The following MUC17 variants were observed in gnomAD, a reference collection of about 807,000 sequenced individuals.
The protein encoded by MUC17 is mucin 17, cell surface associated, also known as mucin-17.
MUC17 carries 190 observed loss-of-function variants against 170.3 expected under a neutral mutation model. That is an observed-to-expected ratio of 1.12 (90% CI 0.99 to 1.26). The LOEUF (loss-of-function observed/expected upper bound fraction) is 1.26, where lower values mean the gene tolerates loss of function less well. Among genes scored for constraint, MUC17 ranks in the 50% most tolerant of loss-of-function variants. MUC17 has a pLI of 0.00. For missense variants in MUC17, 6,415 were observed against 5,530.0 expected (o/e 1.16, Z -5.08); for synonymous variants, 2,325 against 2,002.5 (o/e 1.16, Z -4.30).
In MUC17 at chr7:101,050,534, C is replaced by T; in HGVS notation, c.12773C>T (p.Thr4258Ile). 1.2e-6 allele frequency: 2 copies of T among 1,614,118 alleles called. No individual in the cohort carries two copies. Among genetic ancestry groups the T allele is most frequent in the Non-Finnish European group, 1.7e-6 (2 of 1,180,004 alleles). ...GACGTCCTCCTAAGAACCAAGTACA[C>T]ACCAGAATACAAGACAGTATTGGAC... The part of the protein sequence containing the change: ...EHDVLLRTKY[T>I]PEYKTVLDNA... The change falls in exon 7 of 13, where the codon ACA becomes ATA. Residue 4258 changes from threonine to isoleucine, a missense_variant. Transcript: ENST00000306151.
rs146204718 is a variant in MUC17 at position 101,050,711 on chromosome 7, G to A, written c.12874+76G>A. 4,421 of 1,534,386 alleles carry A rather than the reference G, an allele frequency of 2.9e-3. 10 individuals are homozygous for A. The highest frequency in any genetic ancestry group is 3.7e-3 in the Non-Finnish European group (4,187 of 1,143,482). Reference sequence around the variant, plus strand: ...CATGACTTTCTTAATAGACAGGAGGGCGGGAGTGAGGATGGTTAATGGGTG... The same window carrying A: ...CATGACTTTCTTAATAGACAGGAGGACGGGAGTGAGGATGGTTAATGGGTG... On this transcript the variant is annotated intron_variant, in intron 7 of 12. Transcript: ENST00000306151.
rs535805280 is a variant in MUC17, at chr7:101,039,542, C to T, written c.8126C>T (p.Ala2709Val). 1 of 1,612,386 alleles carries T rather than the reference C, an allele frequency of 6.2e-7. No homozygotes were observed. The highest frequency in any genetic ancestry group is 1.1e-5 in the South Asian group (1 of 90,938). Residue 2709 changes from alanine to valine, a missense_variant, in exon 3 of 13, where the codon GCT (alanine) becomes GTT (valine). Physicochemically the swap from Ala to Val is moderately conservative, Grantham distance 64. Transcript: ENST00000306151. The part of the protein sequence containing the change: ...VSTTLLANSE[A>V]STLSTTPVDT... ...ACCACGCTGTTGGCCAATTCTGAGG[C>T]TAGCACCCTTTCAACAACTCCTGTT...
Position 101,058,069 on chromosome 7 carries a change from G to A in MUC17, c.*25G>A, listed in dbSNP as rs1327225068. On this transcript the variant is annotated 3_prime_UTR_variant, in exon 13 of 13. Transcript: ENST00000306151. Reference sequence around the variant, plus strand: ...AGGCATGGAGCTGAGAAGTCTGGGAGTGAGGAGATCCCAGTCCGGCTAAGC... The same window carrying A: ...AGGCATGGAGCTGAGAAGTCTGGGAATGAGGAGATCCCAGTCCGGCTAAGC... The A allele has an allele frequency of 6.2e-7, 1 of 1,609,238 alleles. No individual in the cohort carries two copies. Among genetic ancestry groups the A allele is most frequent in the South Asian group, 1.1e-5 (1 of 90,902 alleles).
At position 101,034,768 on chromosome 7, in the gene MUC17, G is replaced by A. The variant is rs1418522035; in HGVS notation, c.3352G>A (p.Ala1118Thr). The A allele has an allele frequency of 1.2e-6, 2 of 1,603,770 alleles. No homozygotes were observed. Among genetic ancestry groups the A allele is most frequent in the East Asian group, 4.5e-5 (2 of 44,120 alleles). ...CACCAGGCTGGTGGTCAGTTCTGAG[G>A]CTAGCACCCTTTCCACAACTCCTGT... ...VSTRLVVSSE[A>T]STLSTTPVDT... The change falls in exon 3 of 13, where the codon GCT becomes ACT. Residue 1118 changes from alanine (A) to threonine (T), a missense_variant. Ala to Thr is a moderately conservative substitution (Grantham distance 58, BLOSUM62 0). Transcript: ENST00000306151.
At position 101,034,003 on chromosome 7, in the gene MUC17, G is replaced by A. The variant is rs151141256; in HGVS notation, c.2587G>A (p.Gly863Arg). ...TSMPTSTYSE[G>R]RTPLTSMPVS... Reference sequence around the variant, plus strand: ...CATGCCAACCTCAACTTATAGTGAAGGAAGAACTCCTTTAACAAGTATGCC... The same window carrying A: ...CATGCCAACCTCAACTTATAGTGAAAGAAGAACTCCTTTAACAAGTATGCC... Residue 863 changes from glycine to arginine, a missense_variant, in exon 3 of 13, where the codon GGA (glycine) becomes AGA (arginine). Gly to Arg is a moderately radical substitution (Grantham distance 125). Transcript: ENST00000306151. The A allele has an allele frequency of 1.3e-5, 21 of 1,599,776 alleles. No homozygotes were observed. In the African/African-American group the frequency reaches 1.9e-4, roughly 14 times the overall value.
intron 7 of MUC17, 120 bp downstream of exon 7, chr7:101,050,755 G>A (rs557009931): frequency 7.2e-7 from 1 of 1,384,466 alleles, no homozygotes; most frequent in Non-Finnish European, 9.6e-7. Context: ...AATCACTGTG[G>A]GGTCCTAGAG....
In MUC17 at chr7:101,038,940, A is replaced by T; in HGVS notation, c.7524A>T (p.Ser2508=). The T allele has an allele frequency of 6.2e-7, 1 of 1,613,916 alleles. No individual in the cohort carries two copies. Among genetic ancestry groups the T allele is most frequent in the Non-Finnish European group, 8.5e-7 (1 of 1,179,984 alleles). Residue 2508 remains serine (S), a synonymous_variant, in exon 3 of 13, where the codon TCA becomes TCT. Transcript: ENST00000306151. ...CTGAAGATATCGTCGTGCCAATCTC[A>T]ACTGCTAGTGAAGGAAGTACTCTAT... ...TTAEDIVVPI[S]TASEGSTLLT...
At chr7:101,048,388 C>T (rs1024455239) in intron 4 of MUC17, 2 of 240,300 alleles carry the variant, frequency 8.3e-6, no homozygotes, top group East Asian at 7.9e-5. Flanking sequence ...GCCAGGAGCT[C>T]GAGACCAGCC....
chr7:101,025,237 C>A (rs989418303), intron 1 of MUC17, among the ~76,000 whole-genome samples: 2 of 151,748 alleles, frequency 1.3e-5, no homozygotes, highest in Admixed American at 6.6e-5. Flanking sequence ...GTGGTGTGCG[C>A]CTGTGGTCCC....
At chr7:101,030,302 A>G (rs1461323936) in intron 1 of MUC17, among the ~76,000 whole-genome samples, 1 of 148,600 alleles carries the variant, frequency 6.7e-6, no homozygotes, top group Non-Finnish European at 1.5e-5. Flanking sequence ...GGCTCACTGC[A>G]ACCTCTGACT....
rs998091798 is a variant in MUC17 at position 101,042,563 on chromosome 7, C to A, written c.11147C>A (p.Thr3716Lys). 5 of 1,614,162 alleles carry A rather than the reference C, an allele frequency of 3.1e-6. No homozygotes were observed. Among genetic ancestry groups the A allele is most frequent in the Non-Finnish European group, 4.2e-6 (5 of 1,180,030 alleles). The change falls in exon 3 of 13, where the codon ACA (threonine) becomes AAA (lysine). Residue 3716 changes from threonine to lysine, a missense_variant. Physicochemically the swap from Thr to Lys is moderately conservative, Grantham distance 78 (BLOSUM62 -1). Coordinates refer to ENST00000306151, the MANE Select transcript of MUC17 (RefSeq NM_001040105.2). The part of the protein sequence containing the change: ...VTSSEGSTLS[T>K]PSVVTSTPVT... Reference sequence around the variant, plus strand: ...AGCTCTGAGGGTAGCACCCTTTCAACACCTTCTGTTGTCACCAGCACACCT... The same window carrying A: ...AGCTCTGAGGGTAGCACCCTTTCAAAACCTTCTGTTGTCACCAGCACACCT...
intron 1 of MUC17, among the ~76,000 whole-genome samples, chr7:101,024,003 T>C (rs1001425687): frequency 1.3e-5 from 2 of 152,260 alleles, no homozygotes; most frequent in Admixed American, 1.3e-4. Context: ...GAGCATTTTT[T>C]CATATGCTTG....
In MUC17 at chr7:101,040,281, C is replaced by T; in HGVS notation, c.8865C>T (p.Thr2955=). The change falls in exon 3 of 13, where the codon ACC becomes ACT. Residue 2955 remains threonine, a synonymous_variant. Transcript: ENST00000306151. The part of the protein sequence containing the change: ...ASTLSTTPVD[T]RTPVTTSAEA... The stretch of plus-strand genomic sequence containing the variant: ...CCCTTTCAACAACTCCTGTTGACAC[C>T]AGGACACCTGTCACCACTTCTGCTG... 1 of 1,610,812 alleles carries T rather than the reference C, an allele frequency of 6.2e-7. No homozygotes were observed. Among genetic ancestry groups the T allele is most frequent in the African/African-American group, 1.3e-5 (1 of 74,852 alleles).
rs1794359829 is a variant in MUC17, at chr7:101,033,567, A to AGT, written c.2151_2152insGT (p.Pro718ValfsTer3). 1.2e-6 allele frequency: 2 copies of AGT among 1,611,998 alleles called. No homozygotes were observed. Among genetic ancestry groups the AGT allele is most frequent in the East Asian group, 2.2e-5 (1 of 44,672 alleles). ...CAACAACTCCTGTTGACACCAGCAC[A>AGT]CCTGTGACCACTTCAACTGAAGCCA... On this transcript the variant is annotated frameshift_variant, in exon 3 of 13. Transcript: ENST00000306151. LOFTEE classifies it high-confidence loss of function.
rs200543426 is a variant in MUC17 at position 101,037,555 on chromosome 7, G to A, written c.6139G>A (p.Ala2047Thr). 1.2e-4 allele frequency: 196 copies of A among 1,613,024 alleles called. No individual in the cohort carries two copies. The highest frequency in any genetic ancestry group is 1.6e-4 in the Non-Finnish European group (188 of 1,179,656). Residue 2047 changes from alanine to threonine, a missense_variant, in exon 3 of 13, where the codon GCA becomes ACA. Transcript: ENST00000306151. ...TCCTAGTGAACGGACCACTCCATTA[G>A]CAGGTATGCCTGTCAGCACTACGCT... is the stretch of plus-strand genomic sequence containing the variant. Reference protein sequence around the residue: ...STPSERTTPLAGMPVSTTLVV... With the variant: ...STPSERTTPLTGMPVSTTLVV...
chr7:101,023,138 T>C (rs1794124380), intron 1 of MUC17, among the ~76,000 whole-genome samples: 1 of 152,240 alleles, frequency 6.6e-6, no homozygotes, highest in South Asian at 2.1e-4. Context: ...GTTCCTGGGC[T>C]GGTAGACGCT....
Position 101,043,520 on chromosome 7 carries a change from A to G in MUC17, c.12104A>G (p.His4035Arg), listed in dbSNP as rs138627912. Residue 4035 changes from histidine to arginine, a missense_variant, in exon 3 of 13, where the codon CAC becomes CGC. By Grantham distance (29) the His-to-Arg change is conservative. Transcript: ENST00000306151. ...ASTLSATSTP[H>R]TSTSVTTRPV... ...ACGCTTTCTGCAACCAGTACACCTC[A>G]CACCTCTACTTCTGTCACCACCCGT... 2,166 of 1,614,106 alleles carry G rather than the reference A, an allele frequency of 1.3e-3. 2 individuals carry two copies. Among genetic ancestry groups the G allele is most frequent in the Non-Finnish European group, 1.5e-3 (1,795 of 1,180,024 alleles).
rs575617172 is a variant in MUC17 at position 101,029,592 on chromosome 7, T to TTTA, written c.83-1510_83-1508dup. Among the ~76,000 whole-genome samples, 463 of 151,738 alleles carry TTTA rather than the reference T, an allele frequency of 3.1e-3. 5 individuals are homozygous for TTTA. The highest frequency in any genetic ancestry group is 0.011 in the African/African-American group (440 of 41,370). On this transcript the variant is annotated intron_variant, in intron 1 of 12. Transcript: ENST00000306151. ...TTTTTGCATTCCGTTTTTTAATTAA[T>TTTA]TTATTATTATTATTATTATTTTTTG... is the stretch of plus-strand genomic sequence containing the variant.
rs149201221 is a variant in MUC17 at position 101,034,863 on chromosome 7, C to T, written c.3447C>T (p.Ser1149=). The T allele has an allele frequency of 6.7e-4, 1,074 of 1,612,988 alleles. No homozygotes were observed. In the African/African-American group the frequency reaches 0.013, roughly 20 times the overall value. ...SSSPTTAEGT[S]IPTSPPSEGT... is the part of the protein sequence containing the mutation. ...CTCCTACAACTGCTGAAGGTACCAG[C>T]ATACCAACCTCACCTCCCAGTGAAG... The change falls in exon 3 of 13, where the codon AGC becomes AGT. Residue 1149 remains serine, a synonymous_variant. Coordinates refer to ENST00000306151, the MANE Select transcript of MUC17 (RefSeq NM_001040105.2).
Sources: allele counts gnomAD v4.1 joint callset (sites outside exome capture counted in the v4.1 genomes callset), GRCh38; gene constraint gnomAD v4.1.1; transcripts MANE v1.5; gene names NCBI Gene and HGNC (gene_info 2026-07-23, HGNC 2026-07-21).